Variants in CRCP observed in about 807,000 individuals in gnomAD.
The protein encoded by CRCP is DNA-directed RNA polymerase III subunit RPC9.
In CRCP, 18 loss-of-function variants were observed where a neutral mutation model predicts 18.5. The observed-to-expected ratio is 0.97, with a 90% CI of 0.67 to 1.44. The LOEUF is 1.44. Ranked by LOEUF, CRCP falls within the 40% of genes most tolerant of loss-of-function variation. CRCP has a pLI of 0.00. For missense variants in CRCP, 130 were observed against 176.4 expected, an observed-to-expected ratio of 0.74 and a Z score of 1.49; for synonymous variants, 53 against 62.9, an observed-to-expected ratio of 0.84 and a Z score of 0.75.
intron 3 of CRCP, among the ~76,000 whole-genome samples, chr7:66,133,858 C>CTTT (rs751345422): frequency 7.2e-5 from 7 of 96,716 alleles, no homozygotes; most frequent in African/African-American, 1.7e-4. Context: ...TTTTTGTTTT[C>CTTT]TTTTTTTTTT....
intron 4 of CRCP, among the ~76,000 whole-genome samples, chr7:66,136,972 T>A (rs1395576231): frequency 1.3e-5 from 2 of 151,682 alleles, no homozygotes; most frequent in African/African-American, 4.8e-5. Context: ...TCCCAGCTAC[T>A]CGGGAGGCTG....
At chr7:66,117,050 G>C (rs1009399323) in intron 1 of CRCP, among the ~76,000 whole-genome samples, 2 of 151,430 alleles carry the variant, frequency 1.3e-5, no homozygotes, top group African/African-American at 2.4e-5. Flanking sequence ...GAACTCGGGA[G>C]GCAGGGGTTG....
At position 66,114,850 on chromosome 7, in the gene CRCP, G is replaced by GGGC. The variant is rs1787203672; in HGVS notation, c.-113_-112insGGC. 2 of 1,599,058 alleles carry GGGC rather than the reference G, an allele frequency of 1.3e-6. No homozygotes were observed. The highest frequency in any genetic ancestry group is 2.7e-5 in the African/African-American group (2 of 74,608). ...CGGCATGCAGCGCGGCGATCCCGGC[G>GGGC]AGCACCTTGGCGCGCGGAGCTGGCA... On this transcript the variant is annotated 5_prime_UTR_variant, in exon 1 of 6. Coordinates refer to ENST00000395326, the MANE Select transcript of CRCP (RefSeq NM_014478.5).
chr7:66,129,289 T>C (rs1031056123), intron 2 of CRCP, among the ~76,000 whole-genome samples: 1 of 152,022 alleles, frequency 6.6e-6, no homozygotes, highest in African/African-American at 2.4e-5. Context: ...GCCAAGATTG[T>C]GCCACTGCAC....
chr7:66,116,870 C>A (rs1787280552), intron 1 of CRCP, among the ~76,000 whole-genome samples: 1 of 152,122 alleles, frequency 6.6e-6, no homozygotes, highest in African/African-American at 2.4e-5. Flanking sequence ...CCTATAATCG[C>A]AGCACTTTAG....
At chr7:66,138,654 C>T (rs1280874487) in intron 4 of CRCP, among the ~76,000 whole-genome samples, 1 of 143,938 alleles carries the variant, frequency 6.9e-6, no homozygotes, top group Non-Finnish European at 1.5e-5. Context: ...ATCAGCTGGG[C>T]ATGGTGGCGG....
At chr7:66,122,636 TTTTG>T (rs869291376) in intron 1 of CRCP, among the ~76,000 whole-genome samples, 1 of 141,086 alleles carries the variant, frequency 7.1e-6, no homozygotes, top group Non-Finnish European at 1.6e-5. Flanking sequence ...TAGACAGTTG[TTTTG>T]TTTTTTTTTT....
At chr7:66,116,025 C>T (rs1787250575) in intron 1 of CRCP, among the ~76,000 whole-genome samples, 2 of 152,156 alleles carry the variant, frequency 1.3e-5, no homozygotes, top group Admixed American at 6.5e-5. Context: ...TCTCCAGCTC[C>T]TGAGCTCAAG....
chr7:66,134,217 T>G (rs1477358540), intron 3 of CRCP, 63 bp from the exon 4 acceptor site: 4 of 1,274,662 alleles, frequency 3.1e-6, no homozygotes, highest in Non-Finnish European at 4.5e-6. Flanking sequence ...TTGCCTTTGT[T>G]TTTTCTCATT....
At chr7:66,138,554 G>A (rs1788037158) in intron 4 of CRCP, among the ~76,000 whole-genome samples, 1 of 151,158 alleles carries the variant, frequency 6.6e-6, no homozygotes, top group African/African-American at 2.4e-5. Context: ...GGGAGGCCGA[G>A]GCTGGCAGAT....
At chr7:66,132,783 G>A (rs12234230) in intron 3 of CRCP, among the ~76,000 whole-genome samples, 2,517 of 151,888 alleles carry the variant, frequency 0.017, 60 homozygotes, top group East Asian at 0.093. Context: ...AGTGGCGGGC[G>A]CCTGTAGTCC....
chr7:66,139,135 GTAGAGA>G (rs1788060761), intron 4 of CRCP, among the ~76,000 whole-genome samples: 1 of 151,654 alleles, frequency 6.6e-6, no homozygotes. Context: ...TCTTTTTTTA[GTAGAGA>G]TAAGGTTTCA....
intron 4 of CRCP, among the ~76,000 whole-genome samples, chr7:66,144,288 G>A (rs1788225001): frequency 1.3e-5 from 2 of 152,262 alleles, no homozygotes; most frequent in Non-Finnish European, 2.9e-5. Flanking sequence ...AAATTTACAT[G>A]TATTTGTCTT....
chr7:66,139,878 C>G (rs566173667), intron 4 of CRCP, among the ~76,000 whole-genome samples: 22 of 152,356 alleles, frequency 1.4e-4, no homozygotes, highest in Non-Finnish European at 2.6e-4. Context: ...TAGCTCTCCT[C>G]TCTGGAACTT....
In CRCP at chr7:66,114,899, G is replaced by A; in HGVS notation, c.-64G>A. ...CACCTTGGCGCTGTTGGTGGCGGCG[G>A]AGACAGCTGTGAAGTGTGAGGTTCT... On this transcript the variant is annotated 5_prime_UTR_variant, in exon 1 of 6. Coordinates refer to ENST00000395326, the MANE Select transcript of CRCP (RefSeq NM_014478.5). 2 of 1,609,288 alleles carry A rather than the reference G, an allele frequency of 1.2e-6. No homozygotes were observed. Among genetic ancestry groups the A allele is most frequent in the Non-Finnish European group, 1.7e-6 (2 of 1,176,200 alleles).
At position 66,152,500 on chromosome 7, in the gene CRCP, A is replaced by G. The variant is rs562490900; in HGVS notation, c.*143A>G. 4.7e-6 allele frequency: 4 copies of G among 851,856 alleles called. No individual in the cohort carries two copies. In the East Asian group the frequency reaches 8.1e-5, roughly 17 times the overall value. 52.8% of individuals were successfully genotyped at this position (851,856 alleles called of 1,614,324 possible). ...GTTAGTTGGGTACATCACAAAAATA[A>G]GTTAAAAAGAAATATTTGTGCCTTG... On this transcript the variant is annotated 3_prime_UTR_variant, in exon 6 of 6. Transcript: ENST00000395326.
chr7:66,116,884 G>A, intron 1 of CRCP, among the ~76,000 whole-genome samples: 1 of 152,116 alleles, frequency 6.6e-6, no homozygotes. Context: ...ACTTTAGGAG[G>A]CCGAAGTGGG....
At chr7:66,141,554 T>G (rs1034231089) in intron 4 of CRCP, among the ~76,000 whole-genome samples, 6 of 152,064 alleles carry the variant, frequency 3.9e-5, no homozygotes, top group African/African-American at 1.2e-4. Context: ...AGAGCCTCTC[T>G]GGAGAAGAGA....
At chr7:66,122,296 A>G (rs1787466760) in intron 1 of CRCP, among the ~76,000 whole-genome samples, 1 of 143,778 alleles carries the variant, frequency 7.0e-6, no homozygotes, top group Non-Finnish European at 1.5e-5. Context: ...AATGGCATGA[A>G]CCCGGGTGGC....
Sources: gnomAD v4.1 joint callset for allele counts (sites outside exome capture counted in the v4.1 genomes callset) on GRCh38, gnomAD v4.1.1 for gene constraint, MANE v1.5 for transcripts, NCBI Gene and HGNC (gene_info 2026-07-23, HGNC 2026-07-21) for gene names.